The following TNRC18 variants were observed in gnomAD, a reference collection of about 807,000 sequenced individuals.
The protein encoded by TNRC18 is trinucleotide repeat-containing gene 18 protein.
Under a neutral mutation model 226.7 loss-of-function variants are expected in TNRC18, and 69 were observed. The ratio of observed to expected loss-of-function variants is 0.30; its 90% CI spans 0.25 to 0.37. TNRC18 has a LOEUF of 0.37. Ranked by LOEUF, TNRC18 falls within the 10% of genes least tolerant of loss-of-function variation. TNRC18 has a pLI of 1.00. For missense variants in TNRC18, 4,754 were observed against 4,256.6 expected, an observed-to-expected ratio of 1.12 and a Z score of -3.25; for synonymous variants, 2,449 against 1,927.6, an observed-to-expected ratio of 1.27 and a Z score of -7.09.
rs1328297580 is a variant in TNRC18 at position 5,327,368 on chromosome 7, T to TGTGC, written c.6148-2124_6148-2121dup. Among the ~76,000 whole-genome samples, 524 of 98,494 alleles carry TGTGC rather than the reference T, an allele frequency of 5.3e-3. 4 individuals are homozygous for TGTGC. The highest frequency in any genetic ancestry group is 0.023 in the African/African-American group (502 of 22,268). The allele number at this position is 98,494 out of a possible 152,430, so 64.6% of individuals were successfully genotyped here. The stretch of plus-strand genomic sequence containing the variant: ...GGGGAAAAATATATATGTGTGTGTT[T>TGTGC]GTGCGTGTGTGTGTGTGTGTGTGTG... On this transcript the variant is annotated intron_variant, in intron 19 of 29. Transcript: ENST00000430969.
intron 5 of TNRC18, among the ~76,000 whole-genome samples, chr7:5,380,309 G>C (rs1226271196): frequency 6.6e-6 from 1 of 152,210 alleles, no homozygotes; most frequent in Non-Finnish European, 1.5e-5. Flanking sequence ...AGCCAGGCAT[G>C]GTGTCATGCC....
At chr7:5,348,438 A>G (rs1791433139) in intron 17 of TNRC18, among the ~76,000 whole-genome samples, 5 of 152,172 alleles carry the variant, frequency 3.3e-5, no homozygotes, top group Non-Finnish European at 2.9e-5. Flanking sequence ...CAGACGGGGA[A>G]GACGGACAGC....
rs1782557081 is a variant in TNRC18, at chr7:5,421,109, C to T, written c.138G>A (p.Pro46=). The change falls in exon 2 of 30, where the codon CCG becomes CCA. Residue 46 remains proline, a synonymous_variant. Coordinates refer to ENST00000430969, the MANE Select transcript of TNRC18 (RefSeq NM_001080495.3). ...CGGCCATGTACTTCCCGGGCGGCAG[C>T]GGGCCGGGCAAGCCCGAGGCGGGCA... ...GRLPASGLPG[P]LPPGKYMAGL... The T allele has an allele frequency of 3.4e-6, 5 of 1,471,880 alleles. No homozygotes were observed. Among genetic ancestry groups the T allele is most frequent in the Non-Finnish European group, 4.5e-6 (5 of 1,102,536 alleles). The allele number at this position is 1,471,880 out of a possible 1,614,324, so 91.2% of individuals were successfully genotyped here.
intron 5 of TNRC18, among the ~76,000 whole-genome samples, chr7:5,381,118 A>G (rs954166715): frequency 2.0e-5 from 3 of 152,076 alleles, no homozygotes; most frequent in Non-Finnish European, 2.9e-5. Context: ...GGCCAGCCCC[A>G]TATCAGAGCA....
intron 18 of TNRC18, among the ~76,000 whole-genome samples, chr7:5,335,540 G>C (rs111802767): frequency 6.6e-6 from 1 of 151,352 alleles, no homozygotes; most frequent in Admixed American, 6.6e-5. Flanking sequence ...AGGAGGCAGA[G>C]GTTGCAGTGA....
chr7:5,377,433 G>A lies in TNRC18; in HGVS notation c.2399C>T (p.Ala800Val). The change falls in exon 7 of 30, where the codon GCC becomes GTC. Residue 800 changes from alanine (A) to valine (V), a missense_variant. Coordinates refer to ENST00000430969, the MANE Select transcript of TNRC18 (RefSeq NM_001080495.3). This position sits in a 1 kb window ranked among gnomAD's most constrained non-coding sequence, Gnocchi z 5.8. Reference sequence around the variant, plus strand: ...CGAGCGGGGCAACCAGGGGTGCGTGGCCAGATGGGCTGCGGGGTCGGCAGA... The same window carrying A: ...CGAGCGGGGCAACCAGGGGTGCGTGACCAGATGGGCTGCGGGGTCGGCAGA... The part of the protein sequence containing the change: ...RWSADPAAHL[A>V]THPWLPRSGN... The A allele has an allele frequency of 6.3e-7, 1 of 1,594,606 alleles. No homozygotes were observed. Among genetic ancestry groups the A allele is most frequent in the Non-Finnish European group, 8.5e-7 (1 of 1,171,898 alleles).
rs769158271 is a variant in TNRC18 at position 5,320,292 on chromosome 7, G to A, written c.6745+26C>T. 5 of 1,523,590 alleles carry A rather than the reference G, an allele frequency of 3.3e-6. No individual in the cohort carries two copies. The South Asian group carries it at 3.6e-5, about 11-fold the overall frequency. The allele number at this position is 1,523,590 out of a possible 1,614,324, so 94.4% of individuals were successfully genotyped here. A position where few individuals can be genotyped will look rare whatever the true frequency, so the allele number is the denominator to read the frequency against. ...CCATACTGAGATGTTAGGCGGCAGG[G>A]GAGAGCTGGGGAGGAGGCATCTCAC... On this transcript the variant is annotated intron_variant, in intron 24 of 29. Transcript: ENST00000430969.
chr7:5,414,422 T>A (rs1393764341), intron 2 of TNRC18, among the ~76,000 whole-genome samples: 1 of 150,628 alleles, frequency 6.6e-6, no homozygotes, highest in Non-Finnish European at 1.5e-5. Flanking sequence ...TTTCTTTTGT[T>A]TTTTTTTTGA....
At chr7:5,389,583 T>G in intron 4 of TNRC18, 1 of 294,906 alleles carries the variant, frequency 3.4e-6, no homozygotes, top group Non-Finnish European at 6.0e-6. Context: ...GCCTCTCCGG[T>G]AGCTGGGATT....
At chr7:5,418,477 C>A (rs1009640022) in intron 2 of TNRC18, among the ~76,000 whole-genome samples, 1 of 152,090 alleles carries the variant, frequency 6.6e-6, no homozygotes, top group African/African-American at 2.4e-5. Context: ...GATCTTTCTC[C>A]GAGGGCCCCT....
intron 17 of TNRC18, 106 bp downstream of exon 17, chr7:5,351,713 C>T: frequency 7.5e-7 from 1 of 1,339,218 alleles, no homozygotes; most frequent in Non-Finnish European, 1.0e-6. Context: ...CACGGGCCTC[C>T]TCACCCACCA....
intron 21 of TNRC18, among the ~76,000 whole-genome samples, chr7:5,322,474 T>C (rs1788481152): frequency 6.6e-6 from 1 of 152,126 alleles, no homozygotes; most frequent in Non-Finnish European, 1.5e-5. Flanking sequence ...AATTATTTTT[T>C]GTAGAGACAG....
chr7:5,402,313 C>G (rs1277091510), intron 2 of TNRC18, among the ~76,000 whole-genome samples: 2 of 151,450 alleles, frequency 1.3e-5, no homozygotes, highest in Admixed American at 6.6e-5. Flanking sequence ...GCAGGCAGAT[C>G]ACTTGAGGTC....
At chr7:5,367,438 T>A (rs1793724398) in intron 11 of TNRC18, among the ~76,000 whole-genome samples, 1 of 151,808 alleles carries the variant, frequency 6.6e-6, no homozygotes, top group East Asian at 1.9e-4. Context: ...TTTTTTGTTT[T>A]TTTTTTGAGA....
At chr7:5,420,901 G>A (rs1417326575) in intron 2 of TNRC18, 159 bp downstream of exon 2, 2 of 922,106 alleles carry the variant, frequency 2.2e-6, no homozygotes, top group South Asian at 1.4e-5. Flanking sequence ...TTGGCTCCGG[G>A]ACCAGGAGTT....
chr7:5,410,154 T>C (rs1781747494), intron 2 of TNRC18, among the ~76,000 whole-genome samples: 1 of 140,204 alleles, frequency 7.1e-6, no homozygotes, highest in Non-Finnish European at 1.6e-5. Context: ...CTACTAAAAA[T>C]ACAAAAATTA....
chr7:5,373,689 G>C (rs1018309210), intron 10 of TNRC18, among the ~76,000 whole-genome samples: 1 of 152,104 alleles, frequency 6.6e-6, no homozygotes, highest in Non-Finnish European at 1.5e-5. Flanking sequence ...CCCACAGAAC[G>C]GGGGGAAAGC....
intron 19 of TNRC18, among the ~76,000 whole-genome samples, chr7:5,332,216 C>T (rs1789594908): frequency 6.6e-6 from 1 of 152,096 alleles, no homozygotes; most frequent in Non-Finnish European, 1.5e-5. Flanking sequence ...GCAGAAGAAT[C>T]ACTAAAGGTC....
intron 16 of TNRC18, among the ~76,000 whole-genome samples, chr7:5,356,057 G>C (rs533731581): frequency 6.6e-6 from 1 of 152,008 alleles, no homozygotes; most frequent in African/African-American, 2.4e-5. Flanking sequence ...CCAGTTACTC[G>C]GGAGGCAGAG....
Sources: allele counts gnomAD v4.1 joint callset (sites outside exome capture counted in the v4.1 genomes callset), GRCh38; gene constraint gnomAD v4.1.1; non-coding constraint Gnocchi (gnomAD v3.1); transcripts MANE v1.5; gene names NCBI Gene and HGNC (gene_info 2026-07-23, HGNC 2026-07-21).